The following MYO5A variants were observed in gnomAD, a reference collection of about 807,000 sequenced individuals.
MYO5A encodes the protein myosin VA, also known as unconventional myosin-Va.
Under a neutral mutation model 249.7 loss-of-function variants are expected in MYO5A, and 98 were observed. The observed-to-expected ratio is 0.39, with a 90% CI of 0.33 to 0.46. The LOEUF (loss-of-function observed/expected upper bound fraction) is 0.46. MYO5A is among the 20% of genes least tolerant of loss of function. MYO5A has a pLI of 0.98. For missense variants in MYO5A, 1,696 were observed against 2,308.8 expected, an observed-to-expected ratio of 0.73 and a Z score of 5.44; for synonymous variants, 778 against 810.6, an observed-to-expected ratio of 0.96 and a Z score of 0.68.
chr15:52,358,229 T>C (rs564300503), intron 25 of MYO5A, among the ~76,000 whole-genome samples: 1 of 152,302 alleles, frequency 6.6e-6, no homozygotes, highest in East Asian at 1.9e-4. Flanking sequence ...ACACCCTTTT[T>C]ATCATGGCTT....
At chr15:52,318,690 ATAATT>A (rs2038149437) in intron 39 of MYO5A, among the ~76,000 whole-genome samples, 9 of 152,200 alleles carry the variant, frequency 5.9e-5, no homozygotes, top group Admixed American at 5.9e-4. Flanking sequence ...CTTCATTATT[ATAATT>A]TAATAATTTC....
At chr15:52,505,823 A>G (rs2077257527) in intron 1 of MYO5A, 4 of 1,594,868 alleles carry the variant, frequency 2.5e-6, no homozygotes, top group Non-Finnish European at 3.4e-6. Context: ...TTTGAGGACT[A>G]TGTGCAGCCC....
chr15:52,416,364 G>A, intron 4 of MYO5A, 63 bp from the exon 5 acceptor site: 1 of 1,541,108 alleles, frequency 6.5e-7, no homozygotes, highest in Non-Finnish European at 8.9e-7. Flanking sequence ...ATTGATAAGG[G>A]AAACTATGGT....
intron 1 of MYO5A, among the ~76,000 whole-genome samples, chr15:52,486,353 T>C (rs974374407): frequency 6.6e-6 from 1 of 152,218 alleles, no homozygotes; most frequent in African/African-American, 2.4e-5. Context: ...TCAAAGTAGC[T>C]TGGTCAAGAT....
At chr15:52,519,359 T>C (rs1875291247) in intron 1 of MYO5A, among the ~76,000 whole-genome samples, 1 of 152,148 alleles carries the variant, frequency 6.6e-6, no homozygotes, top group African/African-American at 2.4e-5. Flanking sequence ...CCGCCTATAA[T>C]CTCAGCACTT....
intron 1 of MYO5A, among the ~76,000 whole-genome samples, chr15:52,491,749 T>C (rs571086137): frequency 6.0e-4 from 92 of 152,320 alleles, no homozygotes; most frequent in African/African-American, 2.1e-3. Flanking sequence ...TATGAAGGCA[T>C]TGGGCTTTCA....
intron 16 of MYO5A, among the ~76,000 whole-genome samples, chr15:52,381,784 A>T (rs4776041): frequency 0.34 from 22,781 of 66,156 alleles, 1,656 homozygotes; most frequent in Middle Eastern, 0.46. Flanking sequence ...TCTCTCTCTC[A>T]CACACACACA....
At chr15:52,366,323 C>T (rs893371020) in intron 23 of MYO5A, among the ~76,000 whole-genome samples, 11 of 151,878 alleles carry the variant, frequency 7.2e-5, no homozygotes, top group African/African-American at 2.7e-4. Flanking sequence ...AACATTTTTG[C>T]CTTTTTTGAA....
chr15:52,324,297 A>T (rs1019132306), intron 36 of MYO5A, among the ~76,000 whole-genome samples: 4 of 152,126 alleles, frequency 2.6e-5, no homozygotes, highest in African/African-American at 9.7e-5. Flanking sequence ...CTTCACCAGG[A>T]CTGGGCCACC....
chr15:52,490,631 G>A (rs1260629631), intron 1 of MYO5A, among the ~76,000 whole-genome samples: 1 of 152,298 alleles, frequency 6.6e-6, no homozygotes, highest in South Asian at 2.1e-4. Context: ...AGAGGGAGTG[G>A]GGAATAGGGA....
Position 52,308,111 on chromosome 15 carries a change from AAAC to A in MYO5A, c.*5582_*5584del, listed in dbSNP as rs767379485. The A allele has an allele frequency of 6.4e-4, 97 of 152,330 alleles. No individual in the cohort carries two copies. Among genetic ancestry groups the A allele is most frequent in the African/African-American group, 2.0e-3 (83 of 41,580 alleles). The allele number at this position is 152,330 out of a possible 1,614,324, so 9.4% of individuals were successfully genotyped here. On this transcript the variant is annotated 3_prime_UTR_variant, in exon 42 of 42. Coordinates refer to ENST00000399233, the MANE Select transcript of MYO5A (RefSeq NM_001382347.1). ...ATTATATATACCAGTTTCAACTAAA[AAAC>A]AACATTTTTTCTTTCAAATATTTCA...
chr15:52,502,288 A>G (rs965613692), intron 1 of MYO5A, among the ~76,000 whole-genome samples: 1 of 149,212 alleles, frequency 6.7e-6, no homozygotes, highest in African/African-American at 2.4e-5. Context: ...ATCCCAATAC[A>G]TATATACATA....
intron 1 of MYO5A, 128 bp from the exon 2 acceptor site, chr15:52,433,413 CTTTTT>C (rs151276395): frequency 0.16 from 44,046 of 269,354 alleles, 1,862 homozygotes; most frequent in East Asian, 0.38. Context: ...ATGAAATTCA[CTTTTT>C]TTTTTTTTTT....
At chr15:52,390,191 A>G (rs112835834) in intron 12 of MYO5A, among the ~76,000 whole-genome samples, 3,131 of 152,268 alleles carry the variant, frequency 0.021, 88 homozygotes, top group African/African-American at 0.072. Context: ...GTTAATAGGT[A>G]CCAAAAAATT....
intron 4 of MYO5A, among the ~76,000 whole-genome samples, chr15:52,424,441 G>T (rs896192676): frequency 1.3e-5 from 2 of 152,232 alleles, no homozygotes; most frequent in African/African-American, 2.4e-5. Flanking sequence ...AACTCAGAAA[G>T]TTGCTATAAG....
rs546380037 is a variant in MYO5A at position 52,364,454 on chromosome 15, T to C, written c.3309+100A>G. 6 of 1,105,132 alleles carry C rather than the reference T, an allele frequency of 5.4e-6. No homozygotes were observed. In the Admixed American group the frequency reaches 9.1e-5, roughly 17 times the overall value. The allele number at this position is 1,105,132 out of a possible 1,614,324, so 68.5% of individuals were successfully genotyped here. On this transcript the variant is annotated intron_variant, in intron 24 of 41. Transcript: ENST00000399233. ...TGTTGAACATTCTGGAACTGGGTGG[T>C]AGGTACACAGAAGATATGGAGGTTC... is the stretch of plus-strand genomic sequence containing the variant.
chr15:52,461,856 G>C (rs866831500), intron 1 of MYO5A, among the ~76,000 whole-genome samples: 26 of 151,742 alleles, frequency 1.7e-4, no homozygotes, highest in African/African-American at 1.7e-4. Context: ...AGCTACTCAG[G>C]AGGCTGAGGC....
rs1474436 is a variant in MYO5A at position 52,405,972 on chromosome 15, C to G, written c.947-579G>C. 6.3e-3 allele frequency among the ~76,000 whole-genome samples: 954 copies of G among 152,132 alleles called. 9 individuals are homozygous for G. The highest frequency in any genetic ancestry group is 0.022 in the African/African-American group (917 of 41,512). ...ACAGACCAAGTATAAGTCAAAGAGA[C>G]GCCAAGATTAGAAGCGTTTAGGCTG... On this transcript the variant is annotated intron_variant, in intron 8 of 41. Coordinates refer to ENST00000399233, the MANE Select transcript of MYO5A (RefSeq NM_001382347.1).
chr15:52,498,088 A>T (rs1185081122), intron 1 of MYO5A, among the ~76,000 whole-genome samples: 1 of 152,134 alleles, frequency 6.6e-6, no homozygotes, highest in Non-Finnish European at 1.5e-5. Context: ...AAAAAAGAAA[A>T]CAACAAAAAC....
Sources: gnomAD v4.1 joint callset for allele counts (sites outside exome capture counted in the v4.1 genomes callset) on GRCh38, gnomAD v4.1.1 for gene constraint, MANE v1.5 for transcripts, NCBI Gene and HGNC (gene_info 2026-07-23, HGNC 2026-07-21) for gene names.